NAP1L4: variants seen among roughly 807,000 people sequenced by gnomAD.
NAP1L4 encodes the protein nucleosome assembly protein 1-like 4.
Under a neutral mutation model 58.2 loss-of-function variants are expected in NAP1L4, and 15 were observed. The ratio of observed to expected loss-of-function variants is 0.26; its 90% CI spans 0.17 to 0.40. The LOEUF (loss-of-function observed/expected upper bound fraction) is 0.40. Among genes scored for constraint, NAP1L4 ranks in the 10% least tolerant of loss-of-function variants. The probability of loss-of-function intolerance (pLI) is 1.00; values close to 1 mark genes in which losing one functional copy is unlikely to be tolerated. For missense variants in NAP1L4, 384 were observed against 451.1 expected (o/e 0.85, Z 1.35); for synonymous variants, 171 against 155.6 (o/e 1.10, Z -0.74).
intron 7 of NAP1L4, among the ~76,000 whole-genome samples, chr11:2,966,336 C>T (rs936541384): frequency 5.3e-5 from 8 of 152,286 alleles, no homozygotes; most frequent in South Asian, 4.1e-4. Flanking sequence ...ACTAAATTAT[C>T]GTTAGCCACA....
At chr11:2,984,122 G>A (rs1848485409) in intron 1 of NAP1L4, among the ~76,000 whole-genome samples, 1 of 141,998 alleles carries the variant, frequency 7.0e-6, no homozygotes, top group Non-Finnish European at 1.5e-5. Context: ...AGCTATCACT[G>A]CGCCACTGAA....
intron 3 of NAP1L4, 23 bp from the exon 4 acceptor site, chr11:2,976,146 A>G: frequency 1.3e-6 from 2 of 1,565,580 alleles, no homozygotes; most frequent in South Asian, 2.3e-5. Flanking sequence ...AAGACCAAAC[A>G]TATTTAAAAT....
chr11:2,951,768 CCTGT>C lies in NAP1L4; in HGVS notation c.1065+8_1065+11del. On this transcript the variant is annotated splice_region_variant and intron_variant, in intron 13 of 15. Coordinates refer to ENST00000380542, the MANE Select transcript of NAP1L4 (RefSeq NM_005969.4). The surrounding 1 kb of genome is among the most constrained non-coding windows in gnomAD (Gnocchi z 4.0). Reference sequence around the variant, plus strand: ...AGGGAGGTAAGTGGCACTGCATAAACCTGTCTCTTACCTCCTCTTCTCCTTCTTC... The same window carrying C: ...AGGGAGGTAAGTGGCACTGCATAAACCTCTTACCTCCTCTTCTCCTTCTTC... The C allele has an allele frequency of 3.1e-6, 5 of 1,613,768 alleles. No homozygotes were observed. In the South Asian group the frequency reaches 5.5e-5, roughly 18 times the overall value.
intron 1 of NAP1L4, chr11:2,989,365 C>A (rs1470833468): frequency 3.9e-5 from 6 of 152,218 alleles, no homozygotes; most frequent in African/African-American, 1.4e-4. Flanking sequence ...TATAAACCAT[C>A]ATGGTTTCAA....
intron 1 of NAP1L4, chr11:2,991,081 G>A (rs1481280495): frequency 4.4e-6 from 2 of 456,346 alleles, no homozygotes; most frequent in Non-Finnish European, 8.8e-6. Flanking sequence ...AATGTGCCCC[G>A]ACGATTCCTC....
chr11:2,956,275 G>C (rs965607499), intron 10 of NAP1L4, among the ~76,000 whole-genome samples: 1 of 152,018 alleles, frequency 6.6e-6, no homozygotes, highest in Non-Finnish European at 1.5e-5. Context: ...TGCCCACCAG[G>C]GGCCCCTGTA....
chr11:2,951,748 G>GGTA lies in NAP1L4; in HGVS notation c.1065+29_1065+31dup, dbSNP rs760342544. The GGTA allele has an allele frequency of 6.2e-7, 1 of 1,611,042 alleles. No homozygotes were observed. Among genetic ancestry groups the GGTA allele is most frequent in the Non-Finnish European group, 8.5e-7 (1 of 1,177,424 alleles). On this transcript the variant is annotated intron_variant, in intron 13 of 15. Coordinates refer to ENST00000380542, the MANE Select transcript of NAP1L4 (RefSeq NM_005969.4). This position sits in a 1 kb window ranked among gnomAD's most constrained non-coding sequence, Gnocchi z 4.0. ...AAAGCCAAAGAAACAACTTCAGGGA[G>GGTA]GTAAGTGGCACTGCATAAACCTGTC...
Position 2,976,090 on chromosome 11 carries a change from C to A in NAP1L4, c.107G>T (p.Arg36Leu), listed in dbSNP as rs374123149. 4.3e-6 allele frequency: 7 copies of A among 1,613,914 alleles called. No homozygotes were observed. In the East Asian group the frequency reaches 1.6e-4, roughly 36 times the overall value. Residue 36 changes from arginine (R) to leucine (L), a missense_variant, in exon 4 of 16, where the codon CGA (arginine) becomes CTA (leucine). This residue lies in a region of NAP1L4 where 84 missense variants were observed against 73.7 expected (regional missense o/e 1.14). Coordinates refer to ENST00000380542, the MANE Select transcript of NAP1L4 (RefSeq NM_005969.4). ...TCGCTCCTGTAAAGCTGCCAGAACT[C>A]GAGGATTCTGCATCACCTGATCTGT... The part of the protein sequence containing the change: ...KLTDQVMQNP[R>L]VLAALQERLD...
rs878895467 is a variant in NAP1L4, at chr11:2,946,032, G to A, written c.*33-386C>T. On this transcript the variant is annotated intron_variant, in intron 15 of 15. Coordinates refer to ENST00000380542, the MANE Select transcript of NAP1L4 (RefSeq NM_005969.4). This position sits in a 1 kb window ranked among gnomAD's most constrained non-coding sequence, Gnocchi z 4.8. Reference sequence around the variant, plus strand: ...CAGCTCCATCCAGGAAGGCCACCGCGGAGGCAACCCCTCTTGGTGCCAACA... The same window carrying A: ...CAGCTCCATCCAGGAAGGCCACCGCAGAGGCAACCCCTCTTGGTGCCAACA... Among the ~76,000 whole-genome samples, 3 of 152,164 alleles carry A rather than the reference G, an allele frequency of 2.0e-5. No individual in the cohort carries two copies. Among genetic ancestry groups the A allele is most frequent in the Admixed American group, 2.0e-4 (3 of 15,282 alleles).
chr11:2,951,971 T>A lies in NAP1L4; in HGVS notation c.1036-162A>T. ...GCTTGCCTGAGGAGCCATTTGCTTG[T>A]GTGCAGCGCATTTTAAAAGCATGCC... On this transcript the variant is annotated intron_variant, in intron 12 of 15. Transcript: ENST00000380542. This position sits in a 1 kb window ranked among gnomAD's most constrained non-coding sequence, Gnocchi z 4.0. 1.5e-6 allele frequency: 1 copy of A among 677,998 alleles called. No homozygotes were observed. The highest frequency in any genetic ancestry group is 2.7e-6 in the Non-Finnish European group (1 of 377,142). 42.0% of individuals were successfully genotyped at this position (677,998 alleles called of 1,614,324 possible).
At chr11:2,976,199 A>G (rs1192827120) in intron 3 of NAP1L4, 76 bp from the exon 4 acceptor site, 21 of 1,050,732 alleles carry the variant, frequency 2.0e-5, no homozygotes, top group East Asian at 4.8e-5. Context: ...AATTAGTAAC[A>G]TATCTACTTA....
Position 2,958,095 on chromosome 11 carries a change from T to G in NAP1L4, c.892+304A>C. The G allele has an allele frequency of 9.2e-6, 5 of 540,988 alleles. No individual in the cohort carries two copies. In the Admixed American group the frequency reaches 1.1e-4, roughly 12 times the overall value. The allele number at this position is 540,988 out of a possible 1,614,324, so 33.5% of individuals were successfully genotyped here. A position where few individuals can be genotyped will look rare whatever the true frequency, so the allele number is the denominator to read the frequency against. ...AGTGAGGAAGCAGCCCAGGTGCAAA[T>G]ACTCGATTCAGTTTTCTTAAAACAG... is the stretch of plus-strand genomic sequence containing the variant. On this transcript the variant is annotated intron_variant, in intron 10 of 15. Transcript: ENST00000380542.
chr11:2,984,008 AT>A lies in NAP1L4; in HGVS notation c.-17-4772del, dbSNP rs543247680. Among the ~76,000 whole-genome samples, 381 of 143,306 alleles carry A rather than the reference AT, an allele frequency of 2.7e-3. 1 individual carries two copies. The highest frequency in any genetic ancestry group is 8.5e-3 in the African/African-American group (347 of 40,602). The allele number at this position is 143,306 out of a possible 152,430, so 94.0% of individuals were successfully genotyped here. A position where few individuals can be genotyped will look rare whatever the true frequency, so the allele number is the denominator to read the frequency against. The stretch of plus-strand genomic sequence containing the variant: ...CAAAACAAAAAGAAAAAAAAAAAAA[AT>A]GAGGCTGGACACAGTGGTTGATGCC... On this transcript the variant is annotated intron_variant, in intron 1 of 15. Coordinates refer to ENST00000380542, the MANE Select transcript of NAP1L4 (RefSeq NM_005969.4).
chr11:2,983,409 T>C (rs1848441714), intron 1 of NAP1L4, among the ~76,000 whole-genome samples: 1 of 152,130 alleles, frequency 6.6e-6, no homozygotes. Flanking sequence ...TAGAGTGCAG[T>C]GGCAGGATCA....
At position 2,976,180 on chromosome 11, in the gene NAP1L4, A is replaced by G. The variant is rs1847946395; in HGVS notation, c.74-57T>C. ...ATATGCCCACCACACACAATAGCCA[A>G]GAGTCAAAAATTAGTAACATATCTA... On this transcript the variant is annotated intron_variant, in intron 3 of 15. Transcript: ENST00000380542. The G allele has an allele frequency of 2.9e-5, 40 of 1,363,324 alleles. No homozygotes were observed. In the South Asian group the frequency reaches 4.8e-4, roughly 16 times the overall value. 84.5% of individuals were successfully genotyped at this position (1,363,324 alleles called of 1,614,324 possible).
intron 7 of NAP1L4, among the ~76,000 whole-genome samples, chr11:2,968,200 G>A (rs1325866508): frequency 6.6e-6 from 1 of 152,154 alleles, no homozygotes; most frequent in Non-Finnish European, 1.5e-5. Flanking sequence ...TCCCTGCCAT[G>A]GAGATTTTCA....
intron 14 of NAP1L4, among the ~76,000 whole-genome samples, chr11:2,950,409 C>T (rs1048565728): frequency 1.3e-5 from 2 of 152,214 alleles, no homozygotes; most frequent in Non-Finnish European, 2.9e-5. Flanking sequence ...GCCAGAATAT[C>T]ACACTGACAG....
intron 1 of NAP1L4, chr11:2,990,954 G>A (rs769046901): frequency 4.1e-5 from 15 of 364,248 alleles, no homozygotes; most frequent in Non-Finnish European, 8.4e-5. Flanking sequence ...TATTTCTAAG[G>A]TAAGAGAATT....
chr11:2,954,767 T>C lies in NAP1L4; in HGVS notation c.916-121A>G. 1.6e-6 allele frequency: 2 copies of C among 1,287,250 alleles called. No individual in the cohort carries two copies. The highest frequency in any genetic ancestry group is 1.5e-5 in the African/African-American group (1 of 68,234). 79.7% of individuals were successfully genotyped at this position (1,287,250 alleles called of 1,614,324 possible). ...TACTTAACTTAAAACACCAAACTCC[T>C]GCACTGCTGGGGGACAGCCACTAGA... On this transcript the variant is annotated intron_variant, in intron 11 of 15. Transcript: ENST00000380542. The surrounding 1 kb of genome is among the most constrained non-coding windows in gnomAD (Gnocchi z 4.8).
Sources: gnomAD v4.1 joint callset for allele counts (sites outside exome capture counted in the v4.1 genomes callset) on GRCh38, gnomAD v4.1.1 for gene constraint, gnomAD v4.1.1 regional missense constraint, Gnocchi (gnomAD v3.1) non-coding constraint, MANE v1.5 for transcripts, NCBI Gene and HGNC (gene_info 2026-07-23, HGNC 2026-07-21) for gene names.